Variants in ERC2 observed in about 807,000 individuals in gnomAD.
ERC2 encodes ERC protein 2.
ERC2 carries 42 observed loss-of-function variants against 114.8 expected under a neutral mutation model. The ratio of observed to expected loss-of-function variants is 0.37; its 90% CI spans 0.29 to 0.47. ERC2 has a LOEUF of 0.47. ERC2 is among the 20% of genes least tolerant of loss of function. ERC2 has a pLI of 0.99. For missense variants in ERC2, 939 were observed against 1,150.7 expected, an observed-to-expected ratio of 0.82 and a Z score of 2.66; for synonymous variants, 454 against 425.5, an observed-to-expected ratio of 1.07 and a Z score of -0.82.
intron 2 of ERC2, among the ~76,000 whole-genome samples, chr3:56,357,650 T>C (rs1239636026): frequency 6.6e-6 from 1 of 151,694 alleles, no homozygotes; most frequent in African/African-American, 2.4e-5. Context: ...CTACAGAGTG[T>C]ACCGCTAATG....
At chr3:56,346,560 T>C (rs1282400987) in intron 2 of ERC2, among the ~76,000 whole-genome samples, 1 of 152,176 alleles carries the variant, frequency 6.6e-6, no homozygotes, top group African/African-American at 2.4e-5. Context: ...GCAAATCTTT[T>C]CTGGTGAATG....
chr3:56,443,625 G>A (rs1057094782), intron 1 of ERC2, among the ~76,000 whole-genome samples: 5 of 150,416 alleles, frequency 3.3e-5, no homozygotes, highest in South Asian at 2.1e-4. Flanking sequence ...TTCATTTCCC[G>A]ATATATTTTA....
chr3:55,700,901 C>T (rs1246778635), intron 15 of ERC2, among the ~76,000 whole-genome samples: 1 of 152,052 alleles, frequency 6.6e-6, no homozygotes, highest in Admixed American at 6.6e-5. Flanking sequence ...AATGAGTGAC[C>T]AAAAGAATGA....
At chr3:56,128,133 C>T (rs1222388976) in intron 6 of ERC2, among the ~76,000 whole-genome samples, 1 of 152,090 alleles carries the variant, frequency 6.6e-6, no homozygotes, top group Non-Finnish European at 1.5e-5. Context: ...GTGCTCCAAG[C>T]ACCAACACAA....
At chr3:56,178,382 T>C (rs2083098142) in intron 3 of ERC2, among the ~76,000 whole-genome samples, 2 of 152,202 alleles carry the variant, frequency 1.3e-5, no homozygotes, top group African/African-American at 4.8e-5. Flanking sequence ...ACCACCATTG[T>C]ATTATGTTCA....
intron 3 of ERC2, among the ~76,000 whole-genome samples, chr3:56,281,432 G>T (rs1475984403): frequency 1.6e-4 from 3 of 19,240 alleles, no homozygotes; most frequent in East Asian, 7.7e-4. Flanking sequence ...GCAAGACTCC[G>T]TCTCAAAAAA....
intron 14 of ERC2, among the ~76,000 whole-genome samples, chr3:55,870,079 A>T (rs1372164348): frequency 2.7e-5 from 4 of 146,500 alleles, no homozygotes; most frequent in South Asian, 2.2e-4. Flanking sequence ...AAAGAGTACA[A>T]TTTTTTTTTT....
chr3:55,775,581 TAAAA>T (rs1279947639), intron 14 of ERC2, among the ~76,000 whole-genome samples: 30 of 142,040 alleles, frequency 2.1e-4, no homozygotes, highest in African/African-American at 8.1e-4. Flanking sequence ...AATAAATAAA[TAAAA>T]AAGGAAAAAG....
At chr3:56,406,297 C>CTACGTGGCTGTGTCCATCTCACCGAAAGA (rs2060724673) in intron 2 of ERC2, among the ~76,000 whole-genome samples, 1 of 152,144 alleles carries the variant, frequency 6.6e-6, no homozygotes, top group Non-Finnish European at 1.5e-5. Context: ...TTTGTTTATC[C>CTACGTGGCTGTGTCCATCTCACCGAAAGA]TACGTGGCTG....
At chr3:55,848,387 C>G (rs567301963) in intron 14 of ERC2, among the ~76,000 whole-genome samples, 73 of 152,270 alleles carry the variant, frequency 4.8e-4, no homozygotes, top group African/African-American at 1.7e-3. Context: ...ATCGCCTAAG[C>G]CTCTTAACTT....
chr3:56,244,173 C>T lies in ERC2; in HGVS notation c.1074+51846G>A, dbSNP rs185152574. Among the ~76,000 whole-genome samples the T allele has an allele frequency of 2.3e-4, 35 of 152,130 alleles. No individual in the cohort carries two copies. The East Asian group carries it at 4.1e-3, about 18-fold the overall frequency. ...TAATGGAGCTAAAACTTCCTGTCAC[C>T]GTGACATCATCGCCTTCGTGAAACA... is the stretch of plus-strand genomic sequence containing the variant. On this transcript the variant is annotated intron_variant, in intron 3 of 17. Transcript: ENST00000288221.
intron 7 of ERC2, among the ~76,000 whole-genome samples, chr3:56,065,299 T>C (rs1371603831): frequency 6.6e-6 from 1 of 152,092 alleles, no homozygotes; most frequent in African/African-American, 2.4e-5. Context: ...CATGGCTCAC[T>C]GCAGCCTCAA....
rs115558400 is a variant in ERC2, at chr3:55,718,888, T to C, written c.2712+15883A>G. On this transcript the variant is annotated intron_variant, in intron 15 of 17. Coordinates refer to ENST00000288221, the MANE Select transcript of ERC2 (RefSeq NM_015576.3). Reference sequence around the variant, plus strand: ...ATATTCTGGTTTGTTTCAAAGAACATGTTCTCAGCTAAAGCCTGATTCTTT... The same window carrying C: ...ATATTCTGGTTTGTTTCAAAGAACACGTTCTCAGCTAAAGCCTGATTCTTT... Among the ~76,000 whole-genome samples the C allele has an allele frequency of 9.0e-3, 1,369 of 152,356 alleles. 17 individuals carry two copies. The highest frequency in any genetic ancestry group is 0.031 in the African/African-American group (1,283 of 41,592).
chr3:56,000,724 G>A (rs1225257731), intron 10 of ERC2, among the ~76,000 whole-genome samples: 3 of 152,010 alleles, frequency 2.0e-5, no homozygotes, highest in Non-Finnish European at 4.4e-5. Context: ...GGAAACTTAA[G>A]ATAGTAGGAA....
At chr3:55,659,714 G>A (rs893404424) in intron 17 of ERC2, among the ~76,000 whole-genome samples, 5 of 152,062 alleles carry the variant, frequency 3.3e-5, no homozygotes, top group African/African-American at 4.8e-5. Context: ...AGTCTCAACC[G>A]ATAGCCTGTT....
intron 14 of ERC2, among the ~76,000 whole-genome samples, chr3:55,841,487 A>G (rs2061130890): frequency 6.6e-6 from 1 of 152,168 alleles, no homozygotes; most frequent in Non-Finnish European, 1.5e-5. Flanking sequence ...TCTTTCCTTT[A>G]TAAATTACCC....
intron 7 of ERC2, among the ~76,000 whole-genome samples, chr3:56,065,749 T>A (rs1218452750): frequency 6.6e-6 from 1 of 152,122 alleles, no homozygotes; most frequent in East Asian, 1.9e-4. Flanking sequence ...TCTCCCTGTG[T>A]CCATGTATTC....
intron 17 of ERC2, among the ~76,000 whole-genome samples, chr3:55,586,422 A>G (rs2107587980): frequency 6.6e-6 from 1 of 152,366 alleles, no homozygotes; most frequent in Admixed American, 6.5e-5. Context: ...ACTATGACTG[A>G]AAGCATCTTA....
At chr3:55,593,147 C>T (rs1264919090) in intron 17 of ERC2, among the ~76,000 whole-genome samples, 1 of 152,214 alleles carries the variant, frequency 6.6e-6, no homozygotes, top group Non-Finnish European at 1.5e-5. Context: ...ACTCCTGATC[C>T]AGCGCTGCTT....
Sources: gnomAD v4.1 joint callset for allele counts (sites outside exome capture counted in the v4.1 genomes callset) on GRCh38, gnomAD v4.1.1 for gene constraint, MANE v1.5 for transcripts, NCBI Gene and HGNC (gene_info 2026-07-23, HGNC 2026-07-21) for gene names.